The following GCNA variants were observed in gnomAD, a reference collection of about 807,000 sequenced individuals.
GCNA encodes germ cell nuclear acidic peptidase, also known as germ cell nuclear acidic protein.
Under a neutral mutation model 38.8 loss-of-function variants are expected in GCNA, and 3 were observed. The observed-to-expected ratio is 0.08, with a 90% CI of 0.04 to 0.20. The LOEUF is 0.20. Ranked by LOEUF, GCNA falls within the 10% of genes least tolerant of loss-of-function variation. The pLI, the probability that GCNA is intolerant of heterozygous loss-of-function variation, is 1.00. For synonymous variants in GCNA, 195 were observed against 240.2 expected, an observed-to-expected ratio of 0.81 and a Z score of 1.74; for missense variants, 446 against 578.6, an observed-to-expected ratio of 0.77 and a Z score of 2.35.
intron 7 of GCNA, among the ~76,000 whole-genome samples, chrX:71,601,828 G>A (rs1167676418): frequency 8.9e-6 from 1 of 112,237 alleles, no homozygotes; most frequent in Non-Finnish European, 1.9e-5. Context: ...TTACAGGCGC[G>A]AGCCACCGTG....
intron 2 of GCNA, among the ~76,000 whole-genome samples, chrX:71,581,493 A>C (rs2040546400): frequency 8.9e-6 from 1 of 111,911 alleles, no homozygotes; most frequent in African/African-American, 3.3e-5. Flanking sequence ...CAAGGGTATG[A>C]TATGGGGGAA....
At chrX:71,608,926 T>TTC in intron 9 of GCNA, 47 bp from the exon 10 acceptor site, 1 of 1,184,292 alleles carries the variant, frequency 8.4e-7, no homozygotes, top group East Asian at 3.0e-5. Flanking sequence ...TGTGCATTCC[T>TTC]TCTCTCTCTT....
intron 10 of GCNA, among the ~76,000 whole-genome samples, chrX:71,610,018 C>A (rs1414338115): frequency 9.0e-6 from 1 of 111,463 alleles, no homozygotes; most frequent in Non-Finnish European, 1.9e-5. Context: ...GTTGCCTTTT[C>A]AGTCCAGCCT....
At chrX:71,590,470 A>C (rs1475393232) in intron 2 of GCNA, among the ~76,000 whole-genome samples, 2 of 112,131 alleles carry the variant, frequency 1.8e-5, no homozygotes, top group Non-Finnish European at 3.8e-5. Context: ...TGACCCATAC[A>C]TGGGAAACCG....
intron 8 of GCNA, 123 bp from the exon 9 acceptor site, chrX:71,605,540 T>G (rs1460062222): frequency 8.0e-6 from 4 of 502,060 alleles, no homozygotes; most frequent in Non-Finnish European, 1.3e-5. Context: ...CAGACAGTTT[T>G]GTTTAGAGAA....
intron 7 of GCNA, among the ~76,000 whole-genome samples, 188 bp from the exon 8 acceptor site, chrX:71,603,400 C>T (rs913444663): frequency 1.8e-5 from 2 of 112,257 alleles, no homozygotes; most frequent in African/African-American, 6.5e-5. Context: ...TTGAGTCTTC[C>T]AATCCATGAA....
chrX:71,605,345 C>T (rs1298576624), intron 8 of GCNA, among the ~76,000 whole-genome samples: 1 of 112,592 alleles, frequency 8.9e-6, no homozygotes, highest in Admixed American at 9.4e-5. Flanking sequence ...GTGAGCTGTT[C>T]CATAGCACCC....
At chrX:71,598,832 C>T (rs1215343010) in intron 7 of GCNA, among the ~76,000 whole-genome samples, 3 of 110,660 alleles carry the variant, frequency 2.7e-5, no homozygotes, top group South Asian at 3.9e-4. Context: ...AAATGGGACA[C>T]CCTTAAAGCA....
chrX:71,597,936 G>A lies in GCNA; in HGVS notation c.222-14G>A, dbSNP rs371711342. 1 of 1,179,787 alleles carries A rather than the reference G, an allele frequency of 8.5e-7. No homozygotes were observed. Among genetic ancestry groups the A allele is most frequent in the South Asian group, 1.8e-5 (1 of 55,351 alleles). ...CATACTTCTCTCTTGTTTTTCTCCT[G>A]TTTCATCACTCAGCTCCGTGGTAGT... On this transcript the variant is annotated splice_polypyrimidine_tract_variant and intron_variant, in intron 6 of 12. Transcript: ENST00000373696.
intron 10 of GCNA, 48 bp from the exon 11 acceptor site, chrX:71,610,628 CAAAAA>C: frequency 1.7e-6 from 2 of 1,180,632 alleles, no homozygotes; most frequent in Non-Finnish European, 2.3e-6. Context: ...AACAAAAAAA[CAAAAA>C]AACCCAAAAC....
chrX:71,606,879 G>C (rs1355975092), intron 9 of GCNA, among the ~76,000 whole-genome samples: 1 of 112,240 alleles, frequency 8.9e-6, no homozygotes, highest in Non-Finnish European at 1.9e-5. Flanking sequence ...GGGAAAAGCT[G>C]TCCCTTGGTG....
In GCNA at chrX:71,609,050, A is replaced by T. The variant is rs761642134; in HGVS notation, c.1544A>T (p.Lys515Met). Residue 515 changes from lysine (K) to methionine (M), a missense_variant, in exon 10 of 13, where the codon AAG becomes ATG. Lys to Met is a moderately conservative substitution (Grantham distance 95). Coordinates refer to ENST00000373696, the MANE Select transcript of GCNA (RefSeq NM_052957.5). ...KSKKYSGKNL[K>M]RNKDELVQRI... ...AAGAAATACTCTGGAAAAAATTTAA[A>T]GCGAAATAAGGATGAATTGGTTCAG... 8.3e-7 allele frequency: 1 copy of T among 1,211,405 alleles called. No individual in the cohort carries two copies. Among genetic ancestry groups the T allele is most frequent in the Non-Finnish European group, 1.1e-6 (1 of 895,185 alleles).
intron 9 of GCNA, 43 bp from the exon 10 acceptor site, chrX:71,608,926 TTCTC>T (rs923718593): frequency 8.5e-7 from 1 of 1,182,821 alleles, no homozygotes; most frequent in African/African-American, 1.8e-5. Flanking sequence ...TGTGCATTCC[TTCTC>T]TCTCTTTAGC....
chrX:71,581,286 C>T lies in GCNA; in HGVS notation c.59+406C>T, dbSNP rs1286558038. 3.6e-5 allele frequency among the ~76,000 whole-genome samples: 4 copies of T among 112,007 alleles called. No homozygotes were observed. In the South Asian group the frequency reaches 1.5e-3, roughly 41 times the overall value. On this transcript the variant is annotated intron_variant, in intron 2 of 12. Coordinates refer to ENST00000373696, the MANE Select transcript of GCNA (RefSeq NM_052957.5). ...TGTTTTAAATTTTTTTATGGAGATGCGCCCTGAACCAATAAAGGTTCAGAG... is the reference window on the plus strand; with the variant it reads ...TGTTTTAAATTTTTTTATGGAGATGTGCCCTGAACCAATAAAGGTTCAGAG...
chrX:71,581,976 G>GA lies in GCNA; in HGVS notation c.59+1107dup, dbSNP rs1215646217. ...AGAATATTAGAAGGTAGCTCTCTGG[G>GA]AAAAAAAAAAATACAAACGGACCTC... is the stretch of plus-strand genomic sequence containing the variant. On this transcript the variant is annotated intron_variant, in intron 2 of 12. Coordinates refer to ENST00000373696, the MANE Select transcript of GCNA (RefSeq NM_052957.5). Among the ~76,000 whole-genome samples the GA allele has an allele frequency of 4.7e-3, 494 of 104,101 alleles. 3 individuals are homozygous for GA. The highest frequency in any genetic ancestry group is 0.014 in the African/African-American group (415 of 28,769). 90.4% of individuals were successfully genotyped at this position (104,101 alleles called of 115,157 possible).
rs775318104 is a variant in GCNA at position 71,579,883 on chromosome X, G to A, written c.-2-937G>A. Among the ~76,000 whole-genome samples the A allele has an allele frequency of 7.5e-5, 8 of 107,361 alleles. 1 individual carries two copies. The Admixed American group carries it at 8.1e-4, about 11-fold the overall frequency. The allele number at this position is 107,361 out of a possible 115,157, so 93.2% of individuals were successfully genotyped here. A position where few individuals can be genotyped will look rare whatever the true frequency, so the allele number is the denominator to read the frequency against. On this transcript the variant is annotated intron_variant, in intron 1 of 12. Transcript: ENST00000373696. ...CTGATAGGAGGAAGGAGTTGGGGAG[G>A]GGTCAAGGCCTGTTTGGTCGAAGAT...
Position 71,612,571 on chromosome X carries a change from C to G in GCNA, c.1955+12C>G, listed in dbSNP as rs368655331. The G allele has an allele frequency of 7.5e-6, 9 of 1,194,834 alleles. No homozygotes were observed. The East Asian group carries it at 2.4e-4, about 32-fold the overall frequency. Reference sequence around the variant, plus strand: ...GGATGCAAAACGAGGTAAGACTCTTCTCAGACTTTTCCCAGTTACGTTTTG... The same window carrying G: ...GGATGCAAAACGAGGTAAGACTCTTGTCAGACTTTTCCCAGTTACGTTTTG... On this transcript the variant is annotated intron_variant, in intron 12 of 12. Coordinates refer to ENST00000373696, the MANE Select transcript of GCNA (RefSeq NM_052957.5).
At position 71,580,805 on chromosome X, in the gene GCNA, T is replaced by C. The variant is rs1046365121; in HGVS notation, c.-2-15T>C. 3.4e-6 allele frequency: 4 copies of C among 1,192,670 alleles called. No individual in the cohort carries two copies. Among genetic ancestry groups the C allele is most frequent in the Middle Eastern group, 2.3e-4 (1 of 4,350 alleles). On this transcript the variant is annotated splice_polypyrimidine_tract_variant and intron_variant, in intron 1 of 12. Transcript: ENST00000373696. ...TGGCTTTCTTAAGAAAGTGTATCTTTGTCTTTCACTACAGACATGGATGGG... is the reference window on the plus strand; with the variant it reads ...TGGCTTTCTTAAGAAAGTGTATCTTCGTCTTTCACTACAGACATGGATGGG...
rs779815482 is a variant in GCNA, at chrX:71,613,015, A to G, written c.*33A>G. ...CTGTGTATGTGCAGAAGTATTATAGAAAAATTATGCAGGAGATGGCTAGGA... is the reference window on the plus strand; with the variant it reads ...CTGTGTATGTGCAGAAGTATTATAGGAAAATTATGCAGGAGATGGCTAGGA... On this transcript the variant is annotated 3_prime_UTR_variant, in exon 13 of 13. Transcript: ENST00000373696. 2.5e-6 allele frequency: 3 copies of G among 1,204,396 alleles called. No homozygotes were observed. In the South Asian group the frequency reaches 5.3e-5, roughly 21 times the overall value.
Sources: allele counts gnomAD v4.1 joint callset (sites outside exome capture counted in the v4.1 genomes callset), GRCh38; gene constraint gnomAD v4.1.1; transcripts MANE v1.5; gene names NCBI Gene and HGNC (gene_info 2026-07-23, HGNC 2026-07-21).